The following ANKRD13C variants were observed in gnomAD, a reference collection of about 807,000 sequenced individuals.
The protein encoded by ANKRD13C is ankyrin repeat domain-containing protein 13C.
ANKRD13C carries 16 observed loss-of-function variants against 65.5 expected under a neutral mutation model. That is an observed-to-expected ratio of 0.24 (90% CI 0.17 to 0.37). The LOEUF (loss-of-function observed/expected upper bound fraction) is 0.37, where lower values mean the gene tolerates loss of function less well. ANKRD13C is among the 10% of genes least tolerant of loss of function. ANKRD13C has a pLI of 1.00. For missense variants in ANKRD13C, 503 were observed against 655.9 expected (o/e 0.77, Z 2.55); for synonymous variants, 235 against 238.7 (o/e 0.98, Z 0.14).
At chr1:70,304,878 T>C (rs564592883) in intron 6 of ANKRD13C, among the ~76,000 whole-genome samples, 1 of 152,300 alleles carries the variant, frequency 6.6e-6, no homozygotes, top group African/African-American at 2.4e-5. Flanking sequence ...TTTTCTTCTA[T>C]TTTTCTGTAT....
Position 70,300,744 on chromosome 1 carries a change from T to G in ANKRD13C, c.921+20A>C. On this transcript the variant is annotated intron_variant, in intron 7 of 12. Coordinates refer to ENST00000370944, the MANE Select transcript of ANKRD13C (RefSeq NM_030816.5). ...TTTTTTTAATGATTTAAAGGAATATTGATAAGACAACATGCTCACCTCATG... is the reference window on the plus strand; with the variant it reads ...TTTTTTTAATGATTTAAAGGAATATGGATAAGACAACATGCTCACCTCATG... 1 of 1,557,466 alleles carries G rather than the reference T, an allele frequency of 6.4e-7. No homozygotes were observed. The highest frequency in any genetic ancestry group is 8.7e-7 in the Non-Finnish European group (1 of 1,155,708).
At chr1:70,278,354 G>A (rs1015015012) in intron 9 of ANKRD13C, among the ~76,000 whole-genome samples, 1 of 151,740 alleles carries the variant, frequency 6.6e-6, no homozygotes, top group East Asian at 1.9e-4. Context: ...TTAGCCAGGC[G>A]TAGTGGCTCG....
chr1:70,348,414 C>T (rs557824638), intron 1 of ANKRD13C, among the ~76,000 whole-genome samples: 118 of 152,160 alleles, frequency 7.8e-4, no homozygotes, highest in African/African-American at 2.7e-3. Context: ...TACAGGTGCG[C>T]GCGACCATGC....
At chr1:70,351,938 G>A (rs1399424770) in intron 1 of ANKRD13C, among the ~76,000 whole-genome samples, 2 of 152,082 alleles carry the variant, frequency 1.3e-5, no homozygotes, top group Non-Finnish European at 2.9e-5. Context: ...ACATTGCAGG[G>A]GGGAAAGCAA....
At position 70,291,461 on chromosome 1, in the gene ANKRD13C, A is replaced by C. The variant is rs1679865817; in HGVS notation, c.1215+927T>G. Reference sequence around the variant, plus strand: ...CTTCACAGAGGAATAAGATTTGAGGAGCAGTTACCATGTCTCATACATCTT... The same window carrying C: ...CTTCACAGAGGAATAAGATTTGAGGCGCAGTTACCATGTCTCATACATCTT... On this transcript the variant is annotated intron_variant, in intron 9 of 12. Transcript: ENST00000370944. Among the ~76,000 whole-genome samples the C allele has an allele frequency of 2.0e-5, 3 of 152,354 alleles. No homozygotes were observed. In the South Asian group the frequency reaches 6.2e-4, roughly 32 times the overall value.
chr1:70,292,783 A>G (rs576073125), intron 8 of ANKRD13C, among the ~76,000 whole-genome samples: 43 of 152,322 alleles, frequency 2.8e-4, no homozygotes, highest in African/African-American at 9.6e-4. Context: ...GAAATTTAAA[A>G]TACATAAAAA....
At position 70,262,532 on chromosome 1, in the gene ANKRD13C, GCA is replaced by G. The variant is rs1331732959; in HGVS notation, c.*183_*184del. On this transcript the variant is annotated 3_prime_UTR_variant, in exon 13 of 13. Transcript: ENST00000370944. Reference sequence around the variant, plus strand: ...TATATTTTTAAAAAGACAAAAAATGGCACATCAGAAAACTCGCTGAAATTCTT... The same window carrying G: ...TATATTTTTAAAAAGACAAAAAATGGCATCAGAAAACTCGCTGAAATTCTT... 2.1e-6 allele frequency: 1 copy of G among 481,864 alleles called. No individual in the cohort carries two copies. The highest frequency in any genetic ancestry group is 2.0e-5 in the African/African-American group (1 of 51,226). The allele number at this position is 481,864 out of a possible 1,614,324, so 29.8% of individuals were successfully genotyped here. A position where few individuals can be genotyped will look rare whatever the true frequency, so the allele number is the denominator to read the frequency against.
intron 10 of ANKRD13C, among the ~76,000 whole-genome samples, chr1:70,275,546 G>A (rs1679093167): frequency 6.6e-6 from 1 of 151,422 alleles, no homozygotes; most frequent in Non-Finnish European, 1.5e-5. Flanking sequence ...TCAAAGTTCA[G>A]TTTAATTATG....
chr1:70,351,709 G>A (rs916556987), intron 1 of ANKRD13C, among the ~76,000 whole-genome samples: 5 of 152,072 alleles, frequency 3.3e-5, no homozygotes, highest in South Asian at 2.1e-4. Flanking sequence ...CAAGCTTGCT[G>A]TTGTTTAAGT....
chr1:70,275,361 G>C (rs1468821560), intron 10 of ANKRD13C, among the ~76,000 whole-genome samples: 1 of 152,174 alleles, frequency 6.6e-6, no homozygotes, highest in East Asian at 1.9e-4. Flanking sequence ...CTGAAAAGAG[G>C]AGGTTATCTT....
Position 70,301,170 on chromosome 1 carries a change from T to TAC in ANKRD13C, c.777-264_777-263dup, listed in dbSNP as rs1281732449. The stretch of plus-strand genomic sequence containing the variant: ...TACATATATATTTTCTGAATATATA[T>TAC]ACACACACATATATATATATATATA... On this transcript the variant is annotated intron_variant, in intron 6 of 12. Transcript: ENST00000370944. Among the ~76,000 whole-genome samples the TAC allele has an allele frequency of 2.3e-3, 329 of 141,030 alleles. 1 individual carries two copies. The highest frequency in any genetic ancestry group is 6.7e-3 in the African/African-American group (254 of 37,688). The allele number at this position is 141,030 out of a possible 152,430, so 92.5% of individuals were successfully genotyped here. A position where few individuals can be genotyped will look rare whatever the true frequency, so the allele number is the denominator to read the frequency against.
intron 12 of ANKRD13C, among the ~76,000 whole-genome samples, chr1:70,268,645 T>C (rs1009223334): frequency 1.3e-5 from 2 of 152,206 alleles, no homozygotes; most frequent in Non-Finnish European, 2.9e-5. Context: ...CCATTTCTGA[T>C]ATTCTCTTTT....
At position 70,300,867 on chromosome 1, in the gene ANKRD13C, T is replaced by C. The variant is rs1680321716; in HGVS notation, c.818A>G (p.Gln273Arg). ...GAAAATGAAGCTTAGATCCCCTCGTTGGCACTTCATGTCAGTAAAGTCTAT... is the reference window on the plus strand; with the variant it reads ...GAAAATGAAGCTTAGATCCCCTCGTCGGCACTTCATGTCAGTAAAGTCTAT... The part of the protein sequence containing the change: ...TLIDFTDMKC[Q>R]RGDLSFIFNG... Residue 273 changes from glutamine (Q) to arginine (R), a missense_variant, in exon 7 of 13, where the codon CAA (glutamine) becomes CGA (arginine). Gln to Arg is a conservative substitution (Grantham distance 43, BLOSUM62 1). Around this residue, in one of 2 missense-constraint regions of ANKRD13C, gnomAD observed 300 missense variants for 478.3 expected, o/e 0.63. Transcript: ENST00000370944. 1.2e-6 allele frequency: 2 copies of C among 1,613,896 alleles called. No homozygotes were observed. The highest frequency in any genetic ancestry group is 1.7e-6 in the Non-Finnish European group (2 of 1,179,948).
intron 4 of ANKRD13C, 122 bp downstream of exon 4, chr1:70,315,359 T>C (rs1367456702): frequency 5.7e-6 from 4 of 703,682 alleles, no homozygotes; most frequent in Non-Finnish European, 9.5e-6. Flanking sequence ...AATTTAAGCA[T>C]GATTTTTACC....
chr1:70,340,649 T>C (rs1177153348), intron 1 of ANKRD13C, among the ~76,000 whole-genome samples: 1 of 152,224 alleles, frequency 6.6e-6, no homozygotes, highest in Non-Finnish European at 1.5e-5. Context: ...TCTCCCACTA[T>C]AATTGGGGGT....
intron 1 of ANKRD13C, among the ~76,000 whole-genome samples, chr1:70,336,634 G>T (rs892732351): frequency 6.6e-6 from 1 of 152,178 alleles, no homozygotes; most frequent in African/African-American, 2.4e-5. Context: ...GAGCCTTAAA[G>T]AATTTGTTAG....
intron 5 of ANKRD13C, among the ~76,000 whole-genome samples, chr1:70,307,592 G>A (rs1436267803): frequency 6.6e-6 from 1 of 152,138 alleles, no homozygotes; most frequent in Non-Finnish European, 1.5e-5. Context: ...TTATTGTCCA[G>A]AGAGAATATT....
chr1:70,348,575 C>A (rs1208564627), intron 1 of ANKRD13C, among the ~76,000 whole-genome samples: 4 of 152,100 alleles, frequency 2.6e-5, no homozygotes, highest in Non-Finnish European at 5.9e-5. Context: ...CAGCCTGCAC[C>A]TTTTTAATCT....
intron 5 of ANKRD13C, among the ~76,000 whole-genome samples, chr1:70,312,649 T>G (rs1680897897): frequency 6.7e-6 from 1 of 148,488 alleles, no homozygotes; most frequent in Non-Finnish European, 1.5e-5. Context: ...GGCGACAGAG[T>G]GAGTGAGACT....
Sources: allele counts gnomAD v4.1 joint callset (sites outside exome capture counted in the v4.1 genomes callset), GRCh38; gene constraint gnomAD v4.1.1; regional missense constraint gnomAD v4.1.1; transcripts MANE v1.5; gene names NCBI Gene and HGNC (gene_info 2026-07-23, HGNC 2026-07-21).